GALP: variants seen among roughly 807,000 people sequenced by gnomAD.
GALP encodes galanin-like peptide.
In GALP, 12 loss-of-function variants were observed where a neutral mutation model predicts 15.2. The ratio of observed to expected loss-of-function variants is 0.79; its 90% confidence interval spans 0.51 to 1.28. GALP has a LOEUF of 1.28. Among genes scored for constraint, GALP ranks in the 50% most tolerant of loss-of-function variants. The pLI is 0.00. For missense variants in GALP, 161 were observed against 145.6 expected, an observed-to-expected ratio of 1.11 and a Z score of -0.55; for synonymous variants, 58 against 55.1, an observed-to-expected ratio of 1.05 and a Z score of -0.23.
intron 2 of GALP, 71 bp downstream of exon 2, chr19:56,177,266 A>C (rs2032481028): frequency 7.7e-7 from 1 of 1,296,566 alleles, no homozygotes; most frequent in African/African-American, 1.5e-5. Context: ...GAGTTTTTAA[A>C]AATGCTTCTG....
intron 5 of GALP, among the ~76,000 whole-genome samples, chr19:56,184,726 G>A (rs1035049304): frequency 5.9e-5 from 9 of 151,630 alleles, no homozygotes; most frequent in South Asian, 2.1e-4. Context: ...CTCGTGATCT[G>A]CCTGCCTCGG....
chr19:56,180,519 C>T lies in GALP; in HGVS notation c.88-67C>T, dbSNP rs544405576. 6 of 1,357,742 alleles carry T rather than the reference C, an allele frequency of 4.4e-6. No homozygotes were observed. The East Asian group carries it at 1.4e-4, about 31-fold the overall frequency. The allele number at this position is 1,357,742 out of a possible 1,614,324, so 84.1% of individuals were successfully genotyped here. A position where few individuals can be genotyped will look rare whatever the true frequency, so the allele number is the denominator to read the frequency against. On this transcript the variant is annotated intron_variant, in intron 2 of 5. Coordinates refer to ENST00000357330, the MANE Select transcript of GALP (RefSeq NM_033106.4). ...AAGTCGTATGACGACCCACATCACC[C>T]CGGACCTGTGGGACGCCTGCCCCGC...
intron 2 of GALP, among the ~76,000 whole-genome samples, chr19:56,180,307 A>T (rs1323832113): frequency 6.6e-6 from 1 of 152,196 alleles, no homozygotes; most frequent in Non-Finnish European, 1.5e-5. Context: ...CATAACTGAA[A>T]TTATACCTGT....
intron 2 of GALP, among the ~76,000 whole-genome samples, chr19:56,179,441 G>A (rs1599928162): frequency 6.6e-6 from 1 of 150,796 alleles, no homozygotes; most frequent in South Asian, 2.1e-4. Flanking sequence ...CCGAGTAGCT[G>A]GGACTACAGG....
chr19:56,180,519 C>A, intron 2 of GALP, 67 bp from the exon 3 acceptor site: 1 of 1,357,738 alleles, frequency 7.4e-7, no homozygotes, highest in Non-Finnish European at 1.1e-6. Flanking sequence ...CCACATCACC[C>A]CGGACCTGTG....
chr19:56,182,999 C>A, intron 4 of GALP, 136 bp from the exon 5 acceptor site: 1 of 651,492 alleles, frequency 1.5e-6, no homozygotes, highest in Non-Finnish European at 2.8e-6. Flanking sequence ...CTCTGCTCCT[C>A]TCCCTCCTCC....
At position 56,182,163 on chromosome 19, in the gene GALP, C is replaced by T; in HGVS notation, c.137-9C>T. On this transcript the variant is annotated splice_polypyrimidine_tract_variant and intron_variant, in intron 3 of 5. Transcript: ENST00000357330. ...ACCACCTGCTCTTGCTCTCTCCCTC[C>T]CTACCCAGTCCTCCACCTTCCCCAA... The T allele has an allele frequency of 6.2e-7, 1 of 1,609,010 alleles. No homozygotes were observed. The highest frequency in any genetic ancestry group is 8.5e-7 in the Non-Finnish European group (1 of 1,175,286).
chr19:56,177,199 ACGCCTC>A lies in GALP; in HGVS notation c.87+6_87+11del, dbSNP rs1295897623. 1 of 1,611,752 alleles carries A rather than the reference ACGCCTC, an allele frequency of 6.2e-7. No homozygotes were observed. Among genetic ancestry groups the A allele is most frequent in the African/African-American group, 1.3e-5 (1 of 74,942 alleles). ...AGCATCCGCACCTGCCCACCGGGTA[ACGCCTC>A]CCTAAGTTCCTCGGAAACAACAGTG... On this transcript the variant is annotated splice_donor_5th_base_variant and intron_variant, in intron 2 of 5. Coordinates refer to ENST00000357330, the MANE Select transcript of GALP (RefSeq NM_033106.4).
rs1225783399 is a variant in GALP, at chr19:56,185,075, CA to C, written c.296-139del. 5.1e-6 allele frequency: 3 copies of C among 584,826 alleles called. No individual in the cohort carries two copies. The African/African-American group carries it at 5.9e-5, about 12-fold the overall frequency. 36.2% of individuals were successfully genotyped at this position (584,826 alleles called of 1,614,324 possible). ...CAGCACTTTGGGAGGCTGAGGTGGG[CA>C]GATCACCTGAGGTCAGGAGTTCAAG... On this transcript the variant is annotated intron_variant, in intron 5 of 5. Coordinates refer to ENST00000357330, the MANE Select transcript of GALP (RefSeq NM_033106.4).
At chr19:56,178,289 A>C (rs762770349) in intron 2 of GALP, among the ~76,000 whole-genome samples, 117 of 151,164 alleles carry the variant, frequency 7.7e-4, no homozygotes, top group Non-Finnish European at 1.4e-3. Flanking sequence ...CATAGTGAGA[A>C]CCTCCATCTC....
intron 4 of GALP, 73 bp from the exon 5 acceptor site, chr19:56,183,062 C>A: frequency 1.9e-6 from 2 of 1,051,808 alleles, no homozygotes; most frequent in Non-Finnish European, 2.9e-6. Flanking sequence ...GTCTTTGTGT[C>A]TGTGTGTTCT....
intron 2 of GALP, among the ~76,000 whole-genome samples, chr19:56,180,191 C>T (rs2032539115): frequency 6.6e-6 from 1 of 152,212 alleles, no homozygotes; most frequent in Non-Finnish European, 1.5e-5. Context: ...GGGATTACAG[C>T]ATGAGCACCA....
intron 1 of GALP, among the ~76,000 whole-genome samples, chr19:56,176,609 C>G (rs2903860): frequency 0.034 from 2,834 of 82,978 alleles, 108 homozygotes; most frequent in African/African-American, 0.13. Context: ...CCAGCTGCAC[C>G]GGGGTGAGAG....
At chr19:56,180,671 C>T (rs768300729) in intron 3 of GALP, 37 bp downstream of exon 3, 6 of 1,583,892 alleles carry the variant, frequency 3.8e-6, no homozygotes, top group African/African-American at 2.7e-5. Context: ...ATCCCTGGCC[C>T]GAGTCTGCCT....
Position 56,177,076 on chromosome 19 carries a change from CCG to C in GALP, c.-31_-30del. ...GGCCGCTCTCTCCTTGCAGCGTGTT[CCG>C]CAGCTGTAGGCACCTGTCGTCCTGC... On this transcript the variant is annotated 5_prime_UTR_variant, in exon 2 of 6. Transcript: ENST00000357330. The C allele has an allele frequency of 6.4e-7, 1 of 1,552,222 alleles. No individual in the cohort carries two copies. Among genetic ancestry groups the C allele is most frequent in the Non-Finnish European group, 8.9e-7 (1 of 1,129,436 alleles).
chr19:56,178,416 T>C (rs1368229817), intron 2 of GALP, among the ~76,000 whole-genome samples: 2 of 150,952 alleles, frequency 1.3e-5, no homozygotes, highest in African/African-American at 2.4e-5. Context: ...TGAGCTGAGA[T>C]GGTGCCAGTG....
rs1234874731 is a variant in GALP at position 56,182,236 on chromosome 19, C to T, written c.201C>T (p.Asp67=). ...GGGAGACAGCCCTTGAGATCCTAGA[C>T]CTGTGGAAGGCCATCGGTGAGTGAG... The part of the protein sequence containing the change: ...GKRETALEIL[D]LWKAIDGLPY... The change falls in exon 4 of 6, where the codon GAC becomes GAT. Residue 67 remains aspartate, a synonymous_variant. Transcript: ENST00000357330. 1.9e-6 allele frequency: 3 copies of T among 1,613,594 alleles called. No homozygotes were observed. The highest frequency in any genetic ancestry group is 2.7e-5 in the African/African-American group (2 of 74,906).
At chr19:56,183,738 C>T (rs932721293) in intron 5 of GALP, among the ~76,000 whole-genome samples, 14 of 152,158 alleles carry the variant, frequency 9.2e-5, no homozygotes, top group Non-Finnish European at 1.6e-4. Flanking sequence ...GCTGGGATTA[C>T]AGGCACGCGC....
chr19:56,183,145 C>A lies in GALP; in HGVS notation c.228C>A (p.Pro76=), dbSNP rs2032595546. The stretch of plus-strand genomic sequence containing the variant: ...TATTTTTGTTTCTAGACGGGCTCCC[C>A]TACTCCCACCCTCCACAGCCCTCCA... ...LDLWKAIDGL[P]YSHPPQPSKR... is the part of the protein sequence containing the mutation. The change falls in exon 5 of 6, where the codon CCC becomes CCA. Residue 76 remains proline, a synonymous_variant. Transcript: ENST00000357330. 6.2e-7 allele frequency: 1 copy of A among 1,612,884 alleles called. No homozygotes were observed. Among genetic ancestry groups the A allele is most frequent in the Non-Finnish European group, 8.5e-7 (1 of 1,178,956 alleles).
Sources: allele counts gnomAD v4.1 joint callset (sites outside exome capture counted in the v4.1 genomes callset), GRCh38; gene constraint gnomAD v4.1.1; transcripts MANE v1.5; gene names NCBI Gene and HGNC (gene_info 2026-07-23, HGNC 2026-07-21).